The following MDH1 variants were observed in gnomAD, a reference collection of about 807,000 sequenced individuals.
MDH1 encodes malate dehydrogenase, cytoplasmic.
In MDH1, 15 loss-of-function variants were observed where a neutral mutation model predicts 38.7. The ratio of observed to expected loss-of-function variants is 0.39; its 90% CI spans 0.26 to 0.60. MDH1 has a LOEUF of 0.60. Among genes scored for constraint, MDH1 ranks in the 20% least tolerant of loss-of-function variants. The probability of loss-of-function intolerance (pLI) is 0.56; values close to 1 mark genes in which losing one functional copy is unlikely to be tolerated. For synonymous variants in MDH1, 144 were observed against 143.6 expected (o/e 1.00, Z -0.02); for missense variants, 368 against 405.2 (o/e 0.91, Z 0.79).
At chr2:63,596,018 A>G (rs1481885609) in intron 3 of MDH1, among the ~76,000 whole-genome samples, 1 of 152,192 alleles carries the variant, frequency 6.6e-6, no homozygotes, top group African/African-American at 2.4e-5. Flanking sequence ...GTTGAGACAT[A>G]GTGTAAATTG....
chr2:63,595,620 A>T, intron 3 of MDH1, 101 bp downstream of exon 3: 1 of 721,118 alleles, frequency 1.4e-6, no homozygotes, highest in South Asian at 1.7e-5. Context: ...ATTATTTCAT[A>T]AGAGGATTTT....
At chr2:63,595,980 G>A (rs565525528) in intron 3 of MDH1, among the ~76,000 whole-genome samples, 6 of 152,006 alleles carry the variant, frequency 3.9e-5, no homozygotes, top group Non-Finnish European at 7.4e-5. Flanking sequence ...CCTCTTACAC[G>A]GTCCCCATCC....
At chr2:63,592,068 CCT>C (rs1306167597) in intron 1 of MDH1, among the ~76,000 whole-genome samples, 5 of 152,150 alleles carry the variant, frequency 3.3e-5, no homozygotes, top group East Asian at 3.9e-4. Flanking sequence ...TCTCTAGCCC[CCT>C]GTTTTAGAAA....
chr2:63,596,920 G>A (rs546993268), intron 3 of MDH1, among the ~76,000 whole-genome samples: 1 of 152,142 alleles, frequency 6.6e-6, no homozygotes, highest in Admixed American at 6.5e-5. Context: ...AAAATCAGAA[G>A]ATTAAATTTG....
At chr2:63,602,934 C>CTTTTTTTTTTTTTTTTTTTTT (rs370479356) in intron 5 of MDH1, among the ~76,000 whole-genome samples, 6 of 131,530 alleles carry the variant, frequency 4.6e-5, no homozygotes, top group Non-Finnish European at 6.7e-5. Flanking sequence ...TTTAACCGTT[C>CTTTTTTTTTTTTTTTTTTTTT]TTTTTTTTTT....
rs1709375752 is a variant in MDH1 at position 63,599,215 on chromosome 2, T to C, written c.421T>C (p.Ser141Pro). Residue 141 changes from serine to proline, a missense_variant, in exon 5 of 9, where the codon TCC becomes CCC. Transcript: ENST00000233114. ...AGCCAATACCAACTGCCTGACTGCT[T>C]CCAAGTCAGCTCCATCCATCCCCAA... ...NPANTNCLTA[S>P]KSAPSIPKEN... 5 of 1,613,786 alleles carry C rather than the reference T, an allele frequency of 3.1e-6. No individual in the cohort carries two copies. The highest frequency in any genetic ancestry group is 4.2e-6 in the Non-Finnish European group (5 of 1,179,748).
At chr2:63,594,742 A>G in intron 2 of MDH1, 156 bp downstream of exon 2, 1 of 583,222 alleles carries the variant, frequency 1.7e-6, no homozygotes, top group Non-Finnish European at 3.0e-6. Flanking sequence ...CTACTAAGGT[A>G]TTTATATGTA....
chr2:63,594,136 G>C (rs1344817950), intron 1 of MDH1, among the ~76,000 whole-genome samples: 1 of 152,158 alleles, frequency 6.6e-6, no homozygotes, highest in African/African-American at 2.4e-5. Flanking sequence ...GGGAGTGGGG[G>C]CTTTGCATAA....
chr2:63,596,855 A>G (rs1709322038), intron 3 of MDH1, among the ~76,000 whole-genome samples: 1 of 152,180 alleles, frequency 6.6e-6, no homozygotes, highest in Admixed American at 6.5e-5. Context: ...TTACAGCTCC[A>G]TTATCTTTTG....
intron 1 of MDH1, chr2:63,590,734 A>C (rs1043189307): frequency 3.3e-5 from 5 of 152,228 alleles, no homozygotes; most frequent in African/African-American, 1.2e-4. Context: ...TTGGAAGGTC[A>C]CTGGGGTGCC....
intron 1 of MDH1, chr2:63,593,685 T>C: frequency 2.1e-6 from 1 of 471,450 alleles, no homozygotes; most frequent in South Asian, 1.5e-5. Context: ...GGGAAAGGAA[T>C]GGTTCACCTT....
chr2:63,596,938 T>C (rs1432272892), intron 3 of MDH1, among the ~76,000 whole-genome samples: 1 of 152,228 alleles, frequency 6.6e-6, no homozygotes, highest in Non-Finnish European at 1.5e-5. Flanking sequence ...TTGATAGTAA[T>C]ATAAATCTCT....
At position 63,605,257 on chromosome 2, in the gene MDH1, G is replaced by T. The variant is rs762395535; in HGVS notation, c.676-23G>T. On this transcript the variant is annotated intron_variant, in intron 6 of 8. Coordinates refer to ENST00000233114, the MANE Select transcript of MDH1 (RefSeq NM_005917.4). ...GCTATCATGACCAAGTAATACTGCT[G>T]CCTTCACCTGCCCCCTTCCCAGACT... The T allele has an allele frequency of 3.1e-5, 47 of 1,504,410 alleles. No individual in the cohort carries two copies. In the East Asian group the frequency reaches 1.1e-3, roughly 34 times the overall value. The allele number at this position is 1,504,410 out of a possible 1,614,324, so 93.2% of individuals were successfully genotyped here. A position where few individuals can be genotyped will look rare whatever the true frequency, so the allele number is the denominator to read the frequency against.
intron 1 of MDH1, chr2:63,589,267 G>A (rs1709097665): frequency 6.4e-7 from 1 of 1,551,394 alleles, no homozygotes; most frequent in South Asian, 1.2e-5. Context: ...GGAGGACTCT[G>A]GAGAAGTAGT....
intron 1 of MDH1, chr2:63,589,294 C>A: frequency 6.4e-7 from 1 of 1,550,776 alleles, no homozygotes; most frequent in Non-Finnish European, 8.7e-7. Flanking sequence ...GGGAGAGGAG[C>A]GATCTTAATC....
chr2:63,595,897 C>A (rs1050796726), intron 3 of MDH1, among the ~76,000 whole-genome samples: 7 of 152,154 alleles, frequency 4.6e-5, no homozygotes, highest in Non-Finnish European at 8.8e-5. Context: ...TAGTAGCATC[C>A]TGTAATGGAA....
chr2:63,597,439 C>G lies in MDH1; in HGVS notation c.240C>G (p.Asp80Glu). Reference sequence around the variant, plus strand: ...ATAAAGAAGACGTTGCCTTCAAAGACCTGGATGTGGCCATTCTTGTGGGCT... The same window carrying G: ...ATAAAGAAGACGTTGCCTTCAAAGAGCTGGATGTGGCCATTCTTGTGGGCT... The part of the protein sequence containing the change: ...ATDKEDVAFK[D>E]LDVAILVGSM... The change falls in exon 4 of 9, where the codon GAC becomes GAG. Residue 80 changes from aspartate (D) to glutamate (E), a missense_variant. By Grantham distance (45) the Asp-to-Glu change is conservative. Transcript: ENST00000233114. 1 of 1,472,812 alleles carries G rather than the reference C, an allele frequency of 6.8e-7. No homozygotes were observed. The highest frequency in any genetic ancestry group is 1.4e-5 in the South Asian group (1 of 70,090). 91.2% of individuals were successfully genotyped at this position (1,472,812 alleles called of 1,614,324 possible).
chr2:63,598,631 T>G (rs1709362035), intron 4 of MDH1, among the ~76,000 whole-genome samples: 1 of 152,210 alleles, frequency 6.6e-6, no homozygotes, highest in Admixed American at 6.5e-5. Flanking sequence ...CATTTTTTGC[T>G]TTCTGTGCAC....
Position 63,606,017 on chromosome 2 carries a change from G to A in MDH1, c.868G>A (p.Val290Ile). The A allele has an allele frequency of 6.2e-7, 1 of 1,613,872 alleles. No individual in the cohort carries two copies. The highest frequency in any genetic ancestry group is 8.5e-7 in the Non-Finnish European group (1 of 1,179,758). The stretch of plus-strand genomic sequence containing the variant: ...TGATGATCTGCTCTACTCATTCCCT[G>A]TTGTAATCAAGGTAAGGTATTTTGG... ...VPDDLLYSFP[V>I]VIKNKTWKFV... The change falls in exon 8 of 9, where the codon GTT becomes ATT. Residue 290 changes from valine (V) to isoleucine (I), a missense_variant. Val to Ile is a conservative substitution (Grantham distance 29). Transcript: ENST00000233114.
Sources: gnomAD v4.1 joint callset for allele counts (sites outside exome capture counted in the v4.1 genomes callset) on GRCh38, gnomAD v4.1.1 for gene constraint, MANE v1.5 for transcripts, NCBI Gene and HGNC (gene_info 2026-07-23, HGNC 2026-07-21) for gene names.